TTC5: variants seen among roughly 807,000 people sequenced by gnomAD.
TTC5 encodes tetratricopeptide repeat domain 5, also known as tetratricopeptide repeat protein 5.
Under a neutral mutation model 57.4 loss-of-function variants are expected in TTC5, and 46 were observed. The observed-to-expected ratio is 0.80, with a 90% CI of 0.63 to 1.03. The LOEUF is 1.03. Among genes scored for constraint, TTC5 ranks in the 50% least tolerant of loss-of-function variants. The pLI, the probability that TTC5 is intolerant of heterozygous loss-of-function variation, is 0.00. For synonymous variants in TTC5, 190 were observed against 203.5 expected (o/e 0.93, Z 0.57); for missense variants, 504 against 528.1 (o/e 0.95, Z 0.45).
intron 4 of TTC5, 89 bp downstream of exon 4, chr14:20,299,209 A>G: frequency 6.9e-7 from 1 of 1,445,546 alleles, no homozygotes; most frequent in African/African-American, 1.4e-5. Context: ...TAAACCTCAG[A>G]ATCACACTCA....
At chr14:20,304,526 C>A (rs1882252961) in intron 1 of TTC5, among the ~76,000 whole-genome samples, 1 of 152,226 alleles carries the variant, frequency 6.6e-6, no homozygotes, top group Non-Finnish European at 1.5e-5. Context: ...ACCACCATCT[C>A]CATGAACAGC....
chr14:20,295,796 G>A lies in TTC5; in HGVS notation c.755C>T (p.Ala252Val), dbSNP rs767129700. ...EALEGFSRAA[A>V]LDPAWPEPRQ... ...GGGCTCTGGCCAGGCAGGGTCCAGG[G>A]CTGCAGCCCGAGAGAAGCCCTCCAG... Residue 252 changes from alanine (A) to valine (V), a missense_variant, in exon 7 of 10, where the codon GCC becomes GTC. Coordinates refer to ENST00000258821, the MANE Select transcript of TTC5 (RefSeq NM_138376.3). 3 of 1,611,088 alleles carry A rather than the reference G, an allele frequency of 1.9e-6. No individual in the cohort carries two copies. In the East Asian group the frequency reaches 6.7e-5, roughly 36 times the overall value.
Position 20,295,777 on chromosome 14 carries a change from T to C in TTC5, c.774A>G (p.Pro258=). The part of the protein sequence containing the change: ...SRAAALDPAW[P]EPRQREQQLL... ...GTTGTTGCTCTCGTTGCCGGGGCTCTGGCCAGGCAGGGTCCAGGGCTGCAG... is the reference window on the plus strand; with the variant it reads ...GTTGTTGCTCTCGTTGCCGGGGCTCCGGCCAGGCAGGGTCCAGGGCTGCAG... The change falls in exon 7 of 10, where the codon CCA becomes CCG. Residue 258 remains proline (P), a synonymous_variant. Transcript: ENST00000258821. 4 of 1,614,036 alleles carry C rather than the reference T, an allele frequency of 2.5e-6. No individual in the cohort carries two copies. The highest frequency in any genetic ancestry group is 3.4e-6 in the Non-Finnish European group (4 of 1,179,978).
At chr14:20,302,095 G>A (rs949359352) in intron 1 of TTC5, 130 bp from the exon 2 acceptor site, 2 of 1,007,854 alleles carry the variant, frequency 2.0e-6, no homozygotes, top group African/African-American at 1.6e-5. Flanking sequence ...GGCACAATAG[G>A]CAGGTGGACA....
intron 3 of TTC5, among the ~76,000 whole-genome samples, chr14:20,300,141 A>ATGTGTGTGTGTG (rs1282022010): frequency 3.6e-5 from 1 of 27,490 alleles, no homozygotes; most frequent in African/African-American, 1.0e-4. Context: ...CGTCTGGTCC[A>ATGTGTGTGTGTG]TGTATATATA....
At position 20,287,919 on chromosome 14, in the gene TTC5, A is replaced by G. The variant is rs1008218973; in HGVS notation, c.*1708T>C. 3 of 152,216 alleles carry G rather than the reference A, an allele frequency of 2.0e-5. No individual in the cohort carries two copies. The highest frequency in any genetic ancestry group is 2.9e-5 in the Non-Finnish European group (2 of 68,040). The allele number at this position is 152,216 out of a possible 1,614,324, so 9.4% of individuals were successfully genotyped here. A position where few individuals can be genotyped will look rare whatever the true frequency, so the allele number is the denominator to read the frequency against. ...ACACCCAAAACTAATTTAAGACTCC[A>G]TATGTGGTATAACAGACAGTACTTC... On this transcript the variant is annotated 3_prime_UTR_variant, in exon 10 of 10. Coordinates refer to ENST00000258821, the MANE Select transcript of TTC5 (RefSeq NM_138376.3).
In TTC5 at chr14:20,295,393, G is replaced by T. The variant is rs147216035; in HGVS notation, c.977C>A (p.Thr326Lys). 3 of 1,614,160 alleles carry T rather than the reference G, an allele frequency of 1.9e-6. No individual in the cohort carries two copies. The highest frequency in any genetic ancestry group is 2.2e-5 in the South Asian group (2 of 91,084). ...ACCGCTGTTCACCCCAGGCTGAAGC[G>T]TACTCAGTGGCTTGAGCTCCAGGGT... is the stretch of plus-strand genomic sequence containing the variant. ...KVTLELKPLSTLQPGVNSGAV... is the reference protein window; with the variant it reads ...KVTLELKPLSKLQPGVNSGAV... The change falls in exon 8 of 10, where the codon ACG becomes AAG. Residue 326 changes from threonine to lysine, a missense_variant. Physicochemically the swap from Thr to Lys is moderately conservative, Grantham distance 78. Transcript: ENST00000258821.
chr14:20,295,358 G>A lies in TTC5; in HGVS notation c.1012C>T (p.Leu338=), dbSNP rs1228173887. 2 of 1,614,170 alleles carry A rather than the reference G, an allele frequency of 1.2e-6. No individual in the cohort carries two copies. Among genetic ancestry groups the A allele is most frequent in the Non-Finnish European group, 1.7e-6 (2 of 1,180,028 alleles). Reference sequence around the variant, plus strand: ...GTGAGGCTAAATACCACCTTTCCCAGGATGACGGCACCGCTGTTCACCCCA... The same window carrying A: ...GTGAGGCTAAATACCACCTTTCCCAAGATGACGGCACCGCTGTTCACCCCA... The part of the protein sequence containing the change: ...QPGVNSGAVI[L]GKVVFSLTTE... Residue 338 remains leucine, a synonymous_variant, in exon 8 of 10, where the codon CTG becomes TTG. Coordinates refer to ENST00000258821, the MANE Select transcript of TTC5 (RefSeq NM_138376.3).
chr14:20,296,347 T>C (rs1354562309), intron 6 of TTC5, 43 bp downstream of exon 6: 1 of 1,500,516 alleles, frequency 6.7e-7, no homozygotes, highest in Admixed American at 1.7e-5. Flanking sequence ...CATAGGTGTC[T>C]TATTTATTTG....
Position 20,289,487 on chromosome 14 carries a change from G to A in TTC5, c.*140C>T. 2 of 1,019,972 alleles carry A rather than the reference G, an allele frequency of 2.0e-6. No individual in the cohort carries two copies. Among genetic ancestry groups the A allele is most frequent in the Non-Finnish European group, 2.8e-6 (2 of 720,054 alleles). The allele number at this position is 1,019,972 out of a possible 1,614,324, so 63.2% of individuals were successfully genotyped here. A position where few individuals can be genotyped will look rare whatever the true frequency, so the allele number is the denominator to read the frequency against. The stretch of plus-strand genomic sequence containing the variant: ...ACAGAGGAGAGAGAAGAGATACGAA[G>A]TGTAATACAGGCAGGGAAAGAGAAA... On this transcript the variant is annotated 3_prime_UTR_variant, in exon 10 of 10. Transcript: ENST00000258821.
rs1019373299 is a variant in TTC5 at position 20,295,538 on chromosome 14, G to A, written c.844-12C>T. On this transcript the variant is annotated splice_polypyrimidine_tract_variant and intron_variant, in intron 7 of 9. Transcript: ENST00000258821. Reference sequence around the variant, plus strand: ...GTCTTCACCTTTCCCTGCAAAGAAGGGGAAATAGGTAAGAAGCTGGAAACT... The same window carrying A: ...GTCTTCACCTTTCCCTGCAAAGAAGAGGAAATAGGTAAGAAGCTGGAAACT... The A allele has an allele frequency of 2.5e-6, 4 of 1,604,474 alleles. No homozygotes were observed. The highest frequency in any genetic ancestry group is 2.6e-6 in the Non-Finnish European group (3 of 1,173,316).
At position 20,300,979 on chromosome 14, in the gene TTC5, T is replaced by C. The variant is rs969224332; in HGVS notation, c.185-161A>G. Among the ~76,000 whole-genome samples, 11 of 152,262 alleles carry C rather than the reference T, an allele frequency of 7.2e-5. No individual in the cohort carries two copies. The East Asian group carries it at 1.9e-3, about 27-fold the overall frequency. ...GAAAGCTCACCATAGGCAGAGTGTA[T>C]GTTAGCTAATTAGGCAACAAAGAAA... is the stretch of plus-strand genomic sequence containing the variant. On this transcript the variant is annotated intron_variant, in intron 2 of 9. Transcript: ENST00000258821.
intron 9 of TTC5, among the ~76,000 whole-genome samples, chr14:20,290,674 C>G (rs1291688498): frequency 1.3e-5 from 2 of 152,016 alleles, no homozygotes; most frequent in Admixed American, 6.6e-5. Context: ...CCCTTTGGAC[C>G]CAGGAGTCTA....
chr14:20,292,193 G>C (rs998534238), intron 8 of TTC5, 66 bp from the exon 9 acceptor site: 1 of 1,222,910 alleles, frequency 8.2e-7, no homozygotes, highest in Non-Finnish European at 1.1e-6. Context: ...AAGAAGAGCA[G>C]AAACAGTGGT....
In TTC5 at chr14:20,292,103, A is replaced by C. The variant is rs1037825217; in HGVS notation, c.1083T>G (p.Asp361Glu). 18 of 1,581,286 alleles carry C rather than the reference A, an allele frequency of 1.1e-5. No individual in the cohort carries two copies. Among genetic ancestry groups the C allele is most frequent in the Non-Finnish European group, 8.6e-6 (10 of 1,163,434 alleles). The part of the protein sequence containing the change: ...VPFTFGLVDS[D>E]GPCYAVMVYN... ...ACACCATCACTGCATAGCAAGGTCC[A>C]TCTGAATCTACCAGGCCAAATGTAC... Residue 361 changes from aspartate to glutamate, a missense_variant, in exon 9 of 10, where the codon GAT (aspartate) becomes GAG (glutamate). Asp to Glu is a conservative substitution (Grantham distance 45). Coordinates refer to ENST00000258821, the MANE Select transcript of TTC5 (RefSeq NM_138376.3).
At chr14:20,295,981 A>G (rs1882054538) in intron 6 of TTC5, 127 bp from the exon 7 acceptor site, 4 of 932,626 alleles carry the variant, frequency 4.3e-6, no homozygotes, top group Admixed American at 6.4e-5. Flanking sequence ...GTGCTGCAAC[A>G]AACAGCCTGA....
At chr14:20,303,845 T>C (rs762866537) in intron 1 of TTC5, among the ~76,000 whole-genome samples, 2 of 152,216 alleles carry the variant, frequency 1.3e-5, no homozygotes, top group Non-Finnish European at 2.9e-5. Context: ...GTTGCCTTCA[T>C]GCAGTTTCTC....
At chr14:20,302,073 T>C (rs762269950) in intron 1 of TTC5, 108 bp from the exon 2 acceptor site, 40 of 1,276,532 alleles carry the variant, frequency 3.1e-5, no homozygotes, top group Admixed American at 9.5e-5. Context: ...ATTCTCTTTC[T>C]CACCTATGAA....
chr14:20,300,572 A>T (rs538028757), intron 3 of TTC5, 35 bp downstream of exon 3: 2 of 1,563,448 alleles, frequency 1.3e-6, no homozygotes, highest in East Asian at 2.2e-5. Flanking sequence ...CATCCTTCCC[A>T]TCTCTGCTTT....
Sources: gnomAD v4.1 joint callset for allele counts (sites outside exome capture counted in the v4.1 genomes callset) on GRCh38, gnomAD v4.1.1 for gene constraint, MANE v1.5 for transcripts, NCBI Gene and HGNC (gene_info 2026-07-23, HGNC 2026-07-21) for gene names.